The following GADL1 variants were observed in gnomAD, a reference collection of about 807,000 sequenced individuals.
GADL1 encodes the protein GAD like acidic amino acid decarboxylase 1, also known as acidic amino acid decarboxylase GADL1.
GADL1 carries 71 observed loss-of-function variants against 69.5 expected under a neutral mutation model. The observed-to-expected ratio is 1.02, with a 90% CI of 0.84 to 1.25. The LOEUF (loss-of-function observed/expected upper bound fraction) is 1.25. Among genes scored for constraint, GADL1 ranks in the 50% most tolerant of loss-of-function variants. The pLI is 0.00. For synonymous variants in GADL1, 254 were observed against 214.4 expected, an observed-to-expected ratio of 1.18 and a Z score of -1.62; for missense variants, 737 against 631.8, an observed-to-expected ratio of 1.17 and a Z score of -1.79.
At chr3:30,807,705 G>T (rs867293639) in intron 11 of GADL1, among the ~76,000 whole-genome samples, 1 of 152,184 alleles carries the variant, frequency 6.6e-6, no homozygotes, top group Non-Finnish European at 1.5e-5. Context: ...TAGTTGGTGT[G>T]GGGGATGGAA....
intron 11 of GADL1, among the ~76,000 whole-genome samples, chr3:30,814,087 C>T (rs1391122236): frequency 2.0e-5 from 3 of 152,114 alleles, no homozygotes; most frequent in East Asian, 3.9e-4. Context: ...GCACTGCACA[C>T]GTTTGAACAT....
chr3:30,850,169 G>T, intron 5 of GADL1, 58 bp from the exon 6 acceptor site: 1 of 908,088 alleles, frequency 1.1e-6, no homozygotes, highest in Non-Finnish European at 1.8e-6. Context: ...CTCGCAAAAT[G>T]CTGAATACAG....
intron 2 of GADL1, among the ~76,000 whole-genome samples, chr3:30,858,026 C>A (rs1413873587): frequency 1.3e-5 from 2 of 152,030 alleles, no homozygotes; most frequent in African/African-American, 2.4e-5. Context: ...AAATTAAAAT[C>A]TACCCATTAC....
At chr3:30,819,019 G>C (rs1038931243) in intron 11 of GADL1, among the ~76,000 whole-genome samples, 1 of 152,028 alleles carries the variant, frequency 6.6e-6, no homozygotes, top group Non-Finnish European at 1.5e-5. Flanking sequence ...AACACAGGGG[G>C]CTATCCCAGG....
intron 11 of GADL1, among the ~76,000 whole-genome samples, chr3:30,819,880 G>A (rs1204784557): frequency 6.6e-6 from 1 of 151,930 alleles, no homozygotes; most frequent in Non-Finnish European, 1.5e-5. Context: ...CTCAACTAGA[G>A]CAGAAAATTA....
chr3:30,793,682 A>T (rs1392949533), intron 12 of GADL1, among the ~76,000 whole-genome samples: 1 of 152,176 alleles, frequency 6.6e-6, no homozygotes, highest in Non-Finnish European at 1.5e-5. Flanking sequence ...TTCCTTACAA[A>T]GAATCTCAGT....
At chr3:30,804,933 T>C (rs1433519768) in intron 11 of GADL1, among the ~76,000 whole-genome samples, 1 of 152,244 alleles carries the variant, frequency 6.6e-6, no homozygotes, top group East Asian at 1.9e-4. Flanking sequence ...CTGGAGAATA[T>C]GGCTTTTAGG....
chr3:30,791,764 C>T (rs1696924058), intron 12 of GADL1, among the ~76,000 whole-genome samples: 1 of 152,028 alleles, frequency 6.6e-6, no homozygotes, highest in African/African-American at 2.4e-5. Context: ...TCCCATAATC[C>T]CCATGGGTCA....
intron 9 of GADL1, 107 bp from the exon 10 acceptor site, chr3:30,834,388 A>T: frequency 1.1e-6 from 1 of 870,242 alleles, no homozygotes; most frequent in Non-Finnish European, 1.9e-6. Flanking sequence ...GCATTATTTG[A>T]TATTTTATGT....
At chr3:30,728,933 T>C (rs995445007) in intron 14 of GADL1, among the ~76,000 whole-genome samples, 4 of 148,960 alleles carry the variant, frequency 2.7e-5, no homozygotes, top group African/African-American at 7.3e-5. Flanking sequence ...AATATGGATA[T>C]TATGTACAGT....
intron 11 of GADL1, among the ~76,000 whole-genome samples, chr3:30,804,741 T>G (rs1444057853): frequency 1.3e-5 from 2 of 152,262 alleles, no homozygotes; most frequent in Admixed American, 6.5e-5. Flanking sequence ...CCGGTTATAC[T>G]GAGGTCTATC....
intron 14 of GADL1, among the ~76,000 whole-genome samples, chr3:30,748,240 A>G (rs1421303432): frequency 3.3e-5 from 5 of 152,208 alleles, no homozygotes; most frequent in Non-Finnish European, 4.4e-5. Flanking sequence ...AAAATCCCAC[A>G]TCAACTCCTG....
chr3:30,875,853 G>C (rs960944181), intron 1 of GADL1, among the ~76,000 whole-genome samples: 1 of 151,726 alleles, frequency 6.6e-6, no homozygotes, highest in African/African-American at 2.4e-5. Flanking sequence ...CTAGATGCTT[G>C]GTTATTGATC....
intron 13 of GADL1, among the ~76,000 whole-genome samples, chr3:30,785,506 C>T (rs758475744): frequency 9.2e-5 from 14 of 151,802 alleles, no homozygotes; most frequent in Non-Finnish European, 1.6e-4. Context: ...CTCAGCCTCC[C>T]GAGTAGCTGG....
chr3:30,804,491 G>A (rs1575213370), intron 11 of GADL1, among the ~76,000 whole-genome samples: 1 of 152,296 alleles, frequency 6.6e-6, no homozygotes, highest in African/African-American at 2.4e-5. Flanking sequence ...ATTGTAGCAA[G>A]AATCTTGCTA....
intron 1 of GADL1, among the ~76,000 whole-genome samples, chr3:30,886,120 A>G (rs528977690): frequency 6.6e-6 from 1 of 152,168 alleles, no homozygotes; most frequent in African/African-American, 2.4e-5. Flanking sequence ...AAAATTACTA[A>G]TATTTGAACT....
intron 14 of GADL1, among the ~76,000 whole-genome samples, chr3:30,756,723 G>T (rs1041918815): frequency 4.6e-5 from 7 of 152,268 alleles, no homozygotes; most frequent in African/African-American, 1.7e-4. Flanking sequence ...AGTTGTCCCA[G>T]ATGAGGCCAT....
intron 14 of GADL1, among the ~76,000 whole-genome samples, chr3:30,767,004 A>G (rs1265837442): frequency 1.6e-4 from 24 of 152,234 alleles, no homozygotes; most frequent in Non-Finnish European, 2.2e-4. Flanking sequence ...AATAATAATG[A>G]AAGCTAATGT....
intron 2 of GADL1, 114 bp from the exon 3 acceptor site, chr3:30,857,255 A>C: frequency 1.2e-6 from 1 of 823,556 alleles, no homozygotes; most frequent in East Asian, 2.7e-5. Flanking sequence ...TGATTTAAAC[A>C]TGCAACTATA....
Sources: gnomAD v4.1 joint callset for allele counts (sites outside exome capture counted in the v4.1 genomes callset) on GRCh38, gnomAD v4.1.1 for gene constraint, MANE v1.5 for transcripts, NCBI Gene and HGNC (gene_info 2026-07-23, HGNC 2026-07-21) for gene names.